LRRC8B: variants seen among roughly 807,000 people sequenced by gnomAD.
The protein encoded by LRRC8B is volume-regulated anion channel subunit LRRC8B.
LRRC8B carries 23 observed loss-of-function variants against 58.8 expected under a neutral mutation model. The ratio of observed to expected loss-of-function variants is 0.39; its 90% confidence interval spans 0.28 to 0.55. The LOEUF (loss-of-function observed/expected upper bound fraction) is 0.55. Among genes scored for constraint, LRRC8B ranks in the 20% least tolerant of loss-of-function variants. LRRC8B has a pLI of 0.62. For missense variants in LRRC8B, 694 were observed against 936.0 expected (o/e 0.74, Z 3.37); for synonymous variants, 359 against 374.1 (o/e 0.96, Z 0.47).
chr1:89,541,873 T>C (rs1651022745), intron 1 of LRRC8B, among the ~76,000 whole-genome samples: 1 of 152,082 alleles, frequency 6.6e-6, no homozygotes, highest in South Asian at 2.1e-4. Context: ...AGTAGCCACC[T>C]TCACACATTC....
chr1:89,584,324 C>T lies in LRRC8B; in HGVS notation c.1674C>T (p.Asp558=). 3 of 1,614,112 alleles carry T rather than the reference C, an allele frequency of 1.9e-6. No individual in the cohort carries two copies. The highest frequency in any genetic ancestry group is 2.5e-6 in the Non-Finnish European group (3 of 1,180,026). The change falls in exon 5 of 6, where the codon GAC becomes GAT. Residue 558 remains aspartate (D), a synonymous_variant. Transcript: ENST00000330947. Reference sequence around the variant, plus strand: ...CCCGGATCCCACAAGTTGTTACAGACCTCCTGCCTTCATTGCAGAAACTGT... The same window carrying T: ...CCCGGATCCCACAAGTTGTTACAGATCTCCTGCCTTCATTGCAGAAACTGT... ...SLSRIPQVVT[D]LLPSLQKLSL... is the part of the protein sequence containing the mutation.
intron 1 of LRRC8B, among the ~76,000 whole-genome samples, chr1:89,556,706 G>A (rs531780005): frequency 6.6e-6 from 1 of 152,314 alleles, no homozygotes; most frequent in African/African-American, 2.4e-5. Flanking sequence ...CAGCTGAGGA[G>A]CAAATGGCAA....
chr1:89,552,025 T>C (rs1651861747), intron 1 of LRRC8B, among the ~76,000 whole-genome samples: 1 of 152,208 alleles, frequency 6.6e-6, no homozygotes, highest in South Asian at 2.1e-4. Context: ...TTCATTCTTA[T>C]ACAGAGCAGC....
intron 1 of LRRC8B, among the ~76,000 whole-genome samples, chr1:89,554,481 CT>C (rs1652037560): frequency 6.6e-6 from 1 of 152,182 alleles, no homozygotes; most frequent in Admixed American, 6.5e-5. Flanking sequence ...AATGCATAAG[CT>C]CCTTTTGAGA....
chr1:89,559,268 C>G (rs1466985575), intron 1 of LRRC8B, among the ~76,000 whole-genome samples: 1 of 151,900 alleles, frequency 6.6e-6, no homozygotes, highest in Non-Finnish European at 1.5e-5. Context: ...AGCTACAGGC[C>G]CAAGACTGAA....
At chr1:89,568,871 G>A (rs995035283) in intron 3 of LRRC8B, among the ~76,000 whole-genome samples, 1 of 152,000 alleles carries the variant, frequency 6.6e-6, no homozygotes, top group Non-Finnish European at 1.5e-5. Context: ...CCATGGATTT[G>A]GTTTTAATGC....
intron 1 of LRRC8B, among the ~76,000 whole-genome samples, chr1:89,562,145 C>G (rs1201318441): frequency 1.2e-5 from 1 of 81,732 alleles, no homozygotes; most frequent in Non-Finnish European, 3.1e-5. Context: ...ATAACCACCT[C>G]CCAAAACACA....
Position 89,585,043 on chromosome 1 carries a change from T to G in LRRC8B, c.2139+254T>G, listed in dbSNP as rs757870653. On this transcript the variant is annotated intron_variant, in intron 5 of 5. Transcript: ENST00000330947. ...TAGTTGCTCAGCAAATGTTTTTCTC[T>G]TTGTTTTTTTCCCAGTTTTCTACAT... Among the ~76,000 whole-genome samples, 315 of 152,336 alleles carry G rather than the reference T, an allele frequency of 2.1e-3. 1 individual carries two copies. Among genetic ancestry groups the G allele is most frequent in the Non-Finnish European group, 2.9e-3 (195 of 68,024 alleles).
chr1:89,539,015 C>T, intron 1 of LRRC8B, among the ~76,000 whole-genome samples: 1 of 152,216 alleles, frequency 6.6e-6, no homozygotes, highest in East Asian at 1.9e-4. Flanking sequence ...AGCCACCGCA[C>T]CCAGCCCCTT....
In LRRC8B at chr1:89,588,440, G is replaced by A. The variant is rs139125760; in HGVS notation, c.2139+3651G>A. 9.2e-3 allele frequency among the ~76,000 whole-genome samples: 1,404 copies of A among 152,262 alleles called. 9 individuals carry two copies. Among genetic ancestry groups the A allele is most frequent in the Non-Finnish European group, 0.016 (1,080 of 68,014 alleles). On this transcript the variant is annotated intron_variant, in intron 5 of 5. Coordinates refer to ENST00000330947, the MANE Select transcript of LRRC8B (RefSeq NM_001369817.2). Reference sequence around the variant, plus strand: ...TAGAGTGACTCTTGTGTTCTGTGAAGCATACCCTAAGAACACTGGATTAGG... The same window carrying A: ...TAGAGTGACTCTTGTGTTCTGTGAAACATACCCTAAGAACACTGGATTAGG...
At chr1:89,586,943 T>G (rs979975555) in intron 5 of LRRC8B, among the ~76,000 whole-genome samples, 1 of 152,144 alleles carries the variant, frequency 6.6e-6, no homozygotes, top group Non-Finnish European at 1.5e-5. Flanking sequence ...AGCCTCATGA[T>G]GGGAACTATA....
At chr1:89,546,436 A>G (rs914929487) in intron 1 of LRRC8B, among the ~76,000 whole-genome samples, 1 of 152,178 alleles carries the variant, frequency 6.6e-6, no homozygotes. Context: ...TTGCGAACCA[A>G]GTTTCAATGG....
At position 89,593,106 on chromosome 1, in the gene LRRC8B, G is replaced by C; in HGVS notation, c.*63G>C. Reference sequence around the variant, plus strand: ...AAAAGTATGCTCGGCCGGGCGTGGTGGCTCATGCCTATAATCCCAGCACTT... The same window carrying C: ...AAAAGTATGCTCGGCCGGGCGTGGTCGCTCATGCCTATAATCCCAGCACTT... On this transcript the variant is annotated 3_prime_UTR_variant, in exon 6 of 6. Transcript: ENST00000330947. 1 of 1,529,852 alleles carries C rather than the reference G, an allele frequency of 6.5e-7. No homozygotes were observed. The highest frequency in any genetic ancestry group is 8.9e-7 in the Non-Finnish European group (1 of 1,118,204). 94.8% of individuals were successfully genotyped at this position (1,529,852 alleles called of 1,614,324 possible). A position where few individuals can be genotyped will look rare whatever the true frequency, so the allele number is the denominator to read the frequency against.
chr1:89,543,968 T>G (rs1019825381), intron 1 of LRRC8B, among the ~76,000 whole-genome samples: 4 of 151,970 alleles, frequency 2.6e-5, no homozygotes, highest in Non-Finnish European at 5.9e-5. Flanking sequence ...TTATTATTAT[T>G]AATTATTTGT....
intron 1 of LRRC8B, among the ~76,000 whole-genome samples, chr1:89,547,982 A>T (rs1651534523): frequency 6.6e-6 from 1 of 152,066 alleles, no homozygotes; most frequent in Non-Finnish European, 1.5e-5. Context: ...GTCATTGCCC[A>T]AAAAAGGAGT....
At chr1:89,592,676 A>G (rs1655055799) in intron 5 of LRRC8B, 95 bp from the exon 6 acceptor site, 5 of 1,022,488 alleles carry the variant, frequency 4.9e-6, no homozygotes, top group Non-Finnish European at 7.1e-6. Context: ...ACCTCCAGAA[A>G]TGTTTTGTTT....
chr1:89,587,455 A>C (rs1280507523), intron 5 of LRRC8B, among the ~76,000 whole-genome samples: 2 of 151,974 alleles, frequency 1.3e-5, no homozygotes, highest in Non-Finnish European at 2.9e-5. Flanking sequence ...AATTGCTTGA[A>C]CCCGGGAGAC....
chr1:89,563,552 T>C (rs1652836738), intron 1 of LRRC8B, among the ~76,000 whole-genome samples: 1 of 152,180 alleles, frequency 6.6e-6, no homozygotes, highest in Non-Finnish European at 1.5e-5. Context: ...TTGTGATATA[T>C]GGTGAGAACT....
At chr1:89,549,698 T>G (rs1186355623) in intron 1 of LRRC8B, among the ~76,000 whole-genome samples, 1 of 152,206 alleles carries the variant, frequency 6.6e-6, no homozygotes, top group Non-Finnish European at 1.5e-5. Flanking sequence ...GTCATCTTCA[T>G]AAAAAACTAA....
Sources: gnomAD v4.1 joint callset for allele counts (sites outside exome capture counted in the v4.1 genomes callset) on GRCh38, gnomAD v4.1.1 for gene constraint, MANE v1.5 for transcripts, NCBI Gene and HGNC (gene_info 2026-07-23, HGNC 2026-07-21) for gene names.